NBEA: variants seen among roughly 807,000 people sequenced by gnomAD.
NBEA encodes the protein neurobeachin, also known as lysosomal-trafficking regulator 2.
In NBEA, 44 loss-of-function variants were observed where a neutral mutation model predicts 343.4. The ratio of observed to expected loss-of-function variants is 0.13; its 90% confidence interval spans 0.10 to 0.16. The LOEUF (loss-of-function observed/expected upper bound fraction) is 0.16. NBEA is among the 10% of genes least tolerant of loss of function. NBEA has a pLI of 1.00. For synonymous variants in NBEA, 1,175 were observed against 1,238.7 expected (o/e 0.95, Z 1.08); for missense variants, 2,555 against 3,631.3 (o/e 0.70, Z 7.62).
At chr13:35,222,693 C>A (rs2074435830) in intron 33 of NBEA, among the ~76,000 whole-genome samples, 1 of 152,044 alleles carries the variant, frequency 6.6e-6, no homozygotes, top group Non-Finnish European at 1.5e-5. Flanking sequence ...CAATATAAAT[C>A]TTTAAATTAT....
intron 36 of NBEA, among the ~76,000 whole-genome samples, chr13:35,328,304 T>C (rs191150591): frequency 2.0e-5 from 3 of 152,040 alleles, no homozygotes; most frequent in Admixed American, 2.0e-4. Flanking sequence ...GGGTATACTT[T>C]AAAAATATAC....
chr13:35,663,589 A>G (rs1296674328), intron 55 of NBEA, among the ~76,000 whole-genome samples: 2 of 152,210 alleles, frequency 1.3e-5, no homozygotes, highest in African/African-American at 4.8e-5. Context: ...GGGTGCAGAT[A>G]TCTCTGATTT....
At chr13:35,038,282 C>T (rs2062523719) in intron 1 of NBEA, among the ~76,000 whole-genome samples, 1 of 152,012 alleles carries the variant, frequency 6.6e-6, no homozygotes, top group Non-Finnish European at 1.5e-5. Flanking sequence ...CCCTTTGGCT[C>T]AGGGCAGGTC....
At chr13:35,635,016 C>T (rs1323189924) in intron 49 of NBEA, among the ~76,000 whole-genome samples, 2 of 148,618 alleles carry the variant, frequency 1.3e-5, no homozygotes, top group African/African-American at 2.6e-5. Flanking sequence ...TTAACCAAAA[C>T]AGCTGCAATG....
chr13:35,274,458 C>T lies in NBEA; in HGVS notation c.5777-15931C>T, dbSNP rs772077544. ...ATTCCCTTTGACAACTGGCACAAGA[C>T]AAGGATGCCCTCTCTCACCACTCCT... On this transcript the variant is annotated intron_variant, in intron 34 of 58. Coordinates refer to ENST00000379939, the MANE Select transcript of NBEA (RefSeq NM_001385012.1). 1.1e-4 allele frequency among the ~76,000 whole-genome samples: 16 copies of T among 152,156 alleles called. No homozygotes were observed. In the South Asian group the frequency reaches 2.1e-3, roughly 20 times the overall value.
chr13:35,105,611 TAGCCTACCTTTG>T (rs1201201713), intron 11 of NBEA, among the ~76,000 whole-genome samples: 1 of 152,016 alleles, frequency 6.6e-6, no homozygotes. Flanking sequence ...AGAGCTTGGC[TAGCCTACCTTTG>T]AACCAGTTGT....
At chr13:34,954,894 G>A (rs1226133111) in intron 1 of NBEA, among the ~76,000 whole-genome samples, 1 of 152,162 alleles carries the variant, frequency 6.6e-6, no homozygotes, top group African/African-American at 2.4e-5. Flanking sequence ...CCTATTGGTT[G>A]AATCTATGGA....
At chr13:35,137,105 T>A (rs1000377186) in intron 17 of NBEA, among the ~76,000 whole-genome samples, 1 of 152,228 alleles carries the variant, frequency 6.6e-6, no homozygotes, top group East Asian at 1.9e-4. Flanking sequence ...TGTAACACTT[T>A]GTTGTTTTAT....
chr13:35,020,612 G>A (rs1211440177), intron 1 of NBEA, among the ~76,000 whole-genome samples: 1 of 152,158 alleles, frequency 6.6e-6, no homozygotes, highest in Non-Finnish European at 1.5e-5. Context: ...TCTGCCTACT[G>A]GTTTCAAGCA....
At chr13:35,040,762 A>T (rs1593552558) in intron 1 of NBEA, among the ~76,000 whole-genome samples, 171 bp from the exon 2 acceptor site, 1 of 152,206 alleles carries the variant, frequency 6.6e-6, no homozygotes, top group Admixed American at 6.6e-5. Flanking sequence ...TTCGATGCTC[A>T]CAATGCCTTT....
chr13:35,370,355 C>G (rs940864761), intron 38 of NBEA, among the ~76,000 whole-genome samples: 1 of 151,828 alleles, frequency 6.6e-6, no homozygotes. Flanking sequence ...TATGGCTACT[C>G]CTGCTTATTT....
At chr13:35,268,590 C>T (rs1275950318) in intron 34 of NBEA, among the ~76,000 whole-genome samples, 1 of 151,890 alleles carries the variant, frequency 6.6e-6, no homozygotes, top group African/African-American at 2.4e-5. Flanking sequence ...ATAACACAAA[C>T]ACGCCAACAA....
At position 34,959,403 on chromosome 13, in the gene NBEA, A is replaced by G. The variant is rs528294835; in HGVS notation, c.294+16289A>G. On this transcript the variant is annotated intron_variant, in intron 1 of 58. Coordinates refer to ENST00000379939, the MANE Select transcript of NBEA (RefSeq NM_001385012.1). ...GTGCAGTCTTTCAATACTGGACTATACTAAGTATAGATTCCAATGGCAATG... is the reference window on the plus strand; with the variant it reads ...GTGCAGTCTTTCAATACTGGACTATGCTAAGTATAGATTCCAATGGCAATG... Among the ~76,000 whole-genome samples, 18 of 152,200 alleles carry G rather than the reference A, an allele frequency of 1.2e-4. No homozygotes were observed. In the East Asian group the frequency reaches 3.3e-3, roughly 28 times the overall value.
intron 45 of NBEA, among the ~76,000 whole-genome samples, chr13:35,570,177 G>A (rs1157837678): frequency 6.6e-6 from 1 of 152,114 alleles, no homozygotes; most frequent in African/African-American, 2.4e-5. Context: ...GGGATTACAA[G>A]CTCCCACCAC....
chr13:35,115,374 C>T (rs1357241248), intron 13 of NBEA, among the ~76,000 whole-genome samples: 2 of 151,936 alleles, frequency 1.3e-5, no homozygotes, highest in Non-Finnish European at 2.9e-5. Flanking sequence ...ATTTAAACAT[C>T]ACTAAGCCTA....
intron 30 of NBEA, chr13:35,185,918 A>G (rs546852210): frequency 1.3e-5 from 2 of 152,252 alleles, no homozygotes; most frequent in African/African-American, 4.8e-5. Context: ...AAACGGGGAA[A>G]GATATTTTTT....
In NBEA at chr13:35,413,328, C is replaced by T. The variant is rs114881365; in HGVS notation, c.6180-18941C>T. Among the ~76,000 whole-genome samples the T allele has an allele frequency of 3.6e-3, 549 of 152,200 alleles. 1 individual carries two copies. The highest frequency in any genetic ancestry group is 0.013 in the African/African-American group (525 of 41,528). ...ATGATTACCACTTAACTCTTGTAGC[C>T]AAAGGGAAATTCTGTTTCTTATGTA... is the stretch of plus-strand genomic sequence containing the variant. On this transcript the variant is annotated intron_variant, in intron 38 of 58. Transcript: ENST00000379939.
intron 43 of NBEA, among the ~76,000 whole-genome samples, chr13:35,553,274 A>G (rs184985261): frequency 2.6e-4 from 39 of 152,240 alleles, no homozygotes; most frequent in Non-Finnish European, 3.8e-4. Context: ...ATGCCATTCT[A>G]TCTTCAAACG....
chr13:35,443,722 A>G (rs1048862792), intron 39 of NBEA, among the ~76,000 whole-genome samples: 1 of 152,022 alleles, frequency 6.6e-6, no homozygotes, highest in Non-Finnish European at 1.5e-5. Flanking sequence ...CTGACTCAGT[A>G]TCAGGTATAA....
Sources: allele counts gnomAD v4.1 joint callset (sites outside exome capture counted in the v4.1 genomes callset), GRCh38; gene constraint gnomAD v4.1.1; transcripts MANE v1.5; gene names NCBI Gene and HGNC (gene_info 2026-07-23, HGNC 2026-07-21).